The following EBF1 variants were observed in gnomAD, a reference collection of about 807,000 sequenced individuals.
EBF1 encodes the protein transcription factor COE1.
A neutral mutation model predicts 68.4 loss-of-function variants in EBF1; 10 were observed. The ratio of observed to expected loss-of-function variants is 0.15; its 90% CI spans 0.09 to 0.25. The LOEUF is 0.25. EBF1 is among the 10% of genes least tolerant of loss of function. The pLI is 1.00. For synonymous variants in EBF1, 298 were observed against 299.8 expected (o/e 0.99, Z 0.06); for missense variants, 509 against 794.4 (o/e 0.64, Z 4.32).
Position 158,759,283 on chromosome 5 carries a change from C to T in EBF1, c.1036+18130G>A, listed in dbSNP as rs10073401. 7.5e-3 allele frequency among the ~76,000 whole-genome samples: 1,135 copies of T among 152,288 alleles called. 20 individuals are homozygous for T. Among genetic ancestry groups the T allele is most frequent in the African/African-American group, 0.026 (1,079 of 41,568 alleles). ...GCTTCTCCATCCTTCCCCCTCTATT[C>T]GCCTTTATTGTCACCAGGCATGAGC... On this transcript the variant is annotated intron_variant, in intron 10 of 15. Transcript: ENST00000313708.
In EBF1 at chr5:158,839,901, G is replaced by A. The variant is rs968006883; in HGVS notation, c.636+128C>T. 11 of 803,436 alleles carry A rather than the reference G, an allele frequency of 1.4e-5. No individual in the cohort carries two copies. In the African/African-American group the frequency reaches 1.6e-4, roughly 11 times the overall value. 49.8% of individuals were successfully genotyped at this position (803,436 alleles called of 1,614,324 possible). Reference sequence around the variant, plus strand: ...CAACTGCTAGATTGCAGATACCTGGGGGACCAAGGGCCTCAGCTGCTCTTC... The same window carrying A: ...CAACTGCTAGATTGCAGATACCTGGAGGACCAAGGGCCTCAGCTGCTCTTC... On this transcript the variant is annotated intron_variant, in intron 7 of 15. Coordinates refer to ENST00000313708, the MANE Select transcript of EBF1 (RefSeq NM_024007.5).
At chr5:158,801,549 G>T (rs181983850) in intron 8 of EBF1, among the ~76,000 whole-genome samples, 5 of 152,000 alleles carry the variant, frequency 3.3e-5, no homozygotes, top group Admixed American at 2.0e-4. Context: ...TTCATTTCAG[G>T]GTGTTGAACT....
intron 10 of EBF1, among the ~76,000 whole-genome samples, chr5:158,759,550 G>T (rs998370288): frequency 2.6e-5 from 4 of 152,148 alleles, no homozygotes; most frequent in South Asian, 2.1e-4. Context: ...TAGCGTGAGC[G>T]CTGGGGAAAG....
intron 6 of EBF1, among the ~76,000 whole-genome samples, chr5:158,874,783 G>GA (rs953490799): frequency 2.0e-5 from 3 of 151,268 alleles, no homozygotes; most frequent in East Asian, 1.9e-4. Context: ...GGGAGAGGAG[G>GA]AAAAAAAAGG....
chr5:158,700,777 T>C (rs1756577552), intron 15 of EBF1, among the ~76,000 whole-genome samples: 2 of 152,218 alleles, frequency 1.3e-5, no homozygotes, highest in South Asian at 2.1e-4. Context: ...AAATGTTGTT[T>C]TGCAAGAGCC....
In EBF1 at chr5:158,698,912, C is replaced by CAACA; in HGVS notation, c.*195_*198dup. ...AATACTTGGGAGGTACAACTTTAACCAACACCCTGCACTTGCAGATCCCTC... is the reference window on the plus strand; with the variant it reads ...AATACTTGGGAGGTACAACTTTAACCAACAAACACCCTGCACTTGCAGATCCCTC... On this transcript the variant is annotated 3_prime_UTR_variant, in exon 16 of 16. Transcript: ENST00000313708. 2.2e-6 allele frequency: 1 copy of CAACA among 455,350 alleles called. No homozygotes were observed. Among genetic ancestry groups the CAACA allele is most frequent in the East Asian group, 3.4e-5 (1 of 29,688 alleles). The allele number at this position is 455,350 out of a possible 1,614,324, so 28.2% of individuals were successfully genotyped here. A position where few individuals can be genotyped will look rare whatever the true frequency, so the allele number is the denominator to read the frequency against.
At chr5:158,954,294 C>A (rs780719941) in intron 6 of EBF1, among the ~76,000 whole-genome samples, 1 of 152,160 alleles carries the variant, frequency 6.6e-6, no homozygotes, top group South Asian at 2.1e-4. Context: ...GGCAGTAGGC[C>A]GTTTACCCAG....
chr5:158,710,299 G>T (rs1252268528), intron 14 of EBF1, among the ~76,000 whole-genome samples: 1 of 152,166 alleles, frequency 6.6e-6, no homozygotes, highest in Non-Finnish European at 1.5e-5. Flanking sequence ...GCAATCTCAG[G>T]CTGAAGCGGC....
At chr5:158,920,499 C>T (rs1808171938) in intron 6 of EBF1, among the ~76,000 whole-genome samples, 1 of 152,232 alleles carries the variant, frequency 6.6e-6, no homozygotes, top group Non-Finnish European at 1.5e-5. Context: ...ACATGGCAGG[C>T]CTTGGTGGCC....
intron 10 of EBF1, among the ~76,000 whole-genome samples, chr5:158,771,991 A>C (rs1269318429): frequency 6.6e-6 from 1 of 152,138 alleles, no homozygotes; most frequent in Non-Finnish European, 1.5e-5. Context: ...TGCCCAAAGT[A>C]GCTAAAGTGA....
chr5:158,802,314 T>C (rs1278018868), intron 8 of EBF1, among the ~76,000 whole-genome samples: 1 of 152,206 alleles, frequency 6.6e-6, no homozygotes, highest in Non-Finnish European at 1.5e-5. Context: ...TTTGGCTTTT[T>C]TCTCCATTCC....
rs988910682 is a variant in EBF1 at position 158,796,430 on chromosome 5, G to A, written c.824C>T (p.Thr275Met). The A allele has an allele frequency of 1.2e-6, 2 of 1,613,378 alleles. No homozygotes were observed. The highest frequency in any genetic ancestry group is 1.3e-5 in the African/African-American group (1 of 74,996). The change falls in exon 9 of 16, where the codon ACG becomes ATG. Residue 275 changes from threonine (T) to methionine (M), a missense_variant. Around this residue, in one of 3 missense-constraint regions of EBF1, gnomAD observed 230 missense variants for 467.7 expected, o/e 0.49. Coordinates refer to ENST00000313708, the MANE Select transcript of EBF1 (RefSeq NM_024007.5). ...KAISPSEGWT[T>M]GGATVIIIGD... ...TATGATGATCACAGTCGCACCTCCC[G>A]TCGTCCATCCTTCACTCGGGCTGAT...
At chr5:158,981,304 G>C (rs1450021291) in intron 6 of EBF1, among the ~76,000 whole-genome samples, 2 of 152,160 alleles carry the variant, frequency 1.3e-5, no homozygotes, top group African/African-American at 4.8e-5. Flanking sequence ...TTGTTTTCAT[G>C]GGAGTTTAAT....
intron 6 of EBF1, among the ~76,000 whole-genome samples, chr5:158,892,013 T>C (rs1801274461): frequency 6.6e-6 from 1 of 152,226 alleles, no homozygotes; most frequent in Non-Finnish European, 1.5e-5. Flanking sequence ...CCACAATTGC[T>C]GTGATTGTGT....
chr5:158,843,490 C>T (rs1406560330), intron 6 of EBF1, among the ~76,000 whole-genome samples: 2 of 152,206 alleles, frequency 1.3e-5, no homozygotes, highest in Non-Finnish European at 2.9e-5. Flanking sequence ...CCCTGTTACC[C>T]TAAGCTGGCC....
At chr5:158,702,216 T>G (rs1034087728) in intron 15 of EBF1, among the ~76,000 whole-genome samples, 15 of 152,046 alleles carry the variant, frequency 9.9e-5, no homozygotes, top group Non-Finnish European at 2.2e-4. Context: ...TGCCTGAAGA[T>G]CTTGAGTTTT....
intron 6 of EBF1, among the ~76,000 whole-genome samples, chr5:159,018,349 T>A (rs1182791076): frequency 6.6e-6 from 1 of 152,190 alleles, no homozygotes; most frequent in Middle Eastern, 3.2e-3. Context: ...TCAGAAAGTC[T>A]AAAAAATCTT....
intron 10 of EBF1, among the ~76,000 whole-genome samples, chr5:158,736,354 G>C (rs1287239687): frequency 6.6e-6 from 1 of 152,166 alleles, no homozygotes; most frequent in African/African-American, 2.4e-5. Context: ...AGTGCTTTGG[G>C]TGCCATTCCA....
intron 6 of EBF1, among the ~76,000 whole-genome samples, chr5:158,921,074 T>C (rs1808319008): frequency 6.6e-6 from 1 of 152,180 alleles, no homozygotes; most frequent in African/African-American, 2.4e-5. Context: ...AAAAGTCCAC[T>C]TGGAAGCAAG....
Sources: allele counts gnomAD v4.1 joint callset (sites outside exome capture counted in the v4.1 genomes callset), GRCh38; gene constraint gnomAD v4.1.1; regional missense constraint gnomAD v4.1.1; transcripts MANE v1.5; gene names NCBI Gene and HGNC (gene_info 2026-07-23, HGNC 2026-07-21).